Variants in LRFN5 observed in about 807,000 individuals in gnomAD.
LRFN5 encodes leucine-rich repeat and fibronectin type-III domain-containing protein 5.
LRFN5 carries 24 observed loss-of-function variants against 45.6 expected under a neutral mutation model. The ratio of observed to expected loss-of-function variants is 0.53; its 90% CI spans 0.38 to 0.74. LRFN5 has a LOEUF of 0.74. Ranked by LOEUF, LRFN5 falls within the 30% of genes least tolerant of loss-of-function variation. The probability of loss-of-function intolerance (pLI) is 0.00; values close to 1 mark genes in which losing one functional copy is unlikely to be tolerated. For missense variants in LRFN5, 776 were observed against 861.5 expected, an observed-to-expected ratio of 0.90 and a Z score of 1.24; for synonymous variants, 340 against 313.8, an observed-to-expected ratio of 1.08 and a Z score of -0.88.
chr14:41,904,094 C>T, intron 5 of LRFN5, 64 bp from the exon 6 acceptor site: 1 of 1,312,132 alleles, frequency 7.6e-7, no homozygotes. Context: ...ATCTTATTAG[C>T]TATGTGTTTT....
intron 1 of LRFN5, among the ~76,000 whole-genome samples, chr14:41,655,009 T>G (rs1403794952): frequency 1.3e-5 from 2 of 152,104 alleles, no homozygotes; most frequent in African/African-American, 2.4e-5. Flanking sequence ...CCACTGCCTG[T>G]GTCTCTTCAT....
intron 1 of LRFN5, among the ~76,000 whole-genome samples, chr14:41,619,680 C>T (rs1044922092): frequency 6.6e-6 from 1 of 151,854 alleles, no homozygotes; most frequent in South Asian, 2.1e-4. Context: ...TCATATGCTG[C>T]ATATGGCAAT....
intron 2 of LRFN5, among the ~76,000 whole-genome samples, chr14:41,867,568 C>T (rs753246369): frequency 2.0e-5 from 3 of 152,038 alleles, no homozygotes. Flanking sequence ...GGATGGGTGG[C>T]ATGTATTAAA....
chr14:41,792,584 T>C (rs914463632), intron 2 of LRFN5, among the ~76,000 whole-genome samples: 1 of 151,972 alleles, frequency 6.6e-6, no homozygotes, highest in African/African-American at 2.4e-5. Context: ...GAAAACAATT[T>C]AGCAATATCT....
At chr14:41,770,770 C>T (rs1188472831) in intron 2 of LRFN5, among the ~76,000 whole-genome samples, 2 of 152,094 alleles carry the variant, frequency 1.3e-5, no homozygotes, top group Non-Finnish European at 1.5e-5. Context: ...AGTGAATCTA[C>T]CACTCTGGGT....
chr14:41,633,420 G>A (rs548247787), intron 1 of LRFN5, among the ~76,000 whole-genome samples: 1 of 152,064 alleles, frequency 6.6e-6, no homozygotes, highest in South Asian at 2.1e-4. Context: ...TTAATTTCTT[G>A]TCACTTACTT....
intron 1 of LRFN5, among the ~76,000 whole-genome samples, chr14:41,668,246 A>G (rs1206326759): frequency 6.6e-6 from 1 of 152,130 alleles, no homozygotes; most frequent in Non-Finnish European, 1.5e-5. Context: ...AACTCTTCAC[A>G]TTTATTATGT....
chr14:41,796,794 G>A (rs976515817), intron 2 of LRFN5, among the ~76,000 whole-genome samples: 2 of 151,780 alleles, frequency 1.3e-5, no homozygotes, highest in Admixed American at 6.6e-5. Context: ...CTTGCTTTGG[G>A]TATGTTTACT....
At chr14:41,713,204 C>G (rs1883354265) in intron 1 of LRFN5, among the ~76,000 whole-genome samples, 1 of 152,064 alleles carries the variant, frequency 6.6e-6, no homozygotes, top group Admixed American at 6.6e-5. Context: ...AATCCAAAAT[C>G]AATTCCAGCT....
At chr14:41,757,008 T>G (rs547118433) in intron 1 of LRFN5, among the ~76,000 whole-genome samples, 1 of 152,308 alleles carries the variant, frequency 6.6e-6, no homozygotes, top group South Asian at 2.1e-4. Context: ...CTGTTGGAGT[T>G]TGCTGGAGGT....
chr14:41,882,893 G>T (rs1376356346), intron 2 of LRFN5, among the ~76,000 whole-genome samples: 11 of 128,558 alleles, frequency 8.6e-5, no homozygotes, highest in African/African-American at 2.8e-4. Context: ...CTGTCACCCA[G>T]GCTGGAGTGT....
intron 2 of LRFN5, among the ~76,000 whole-genome samples, chr14:41,799,177 GT>G (rs1435442688): frequency 2.0e-5 from 3 of 151,960 alleles, no homozygotes; most frequent in Non-Finnish European, 4.4e-5. Context: ...TAAATTGCTG[GT>G]TGTTGCACTG....
At chr14:41,781,560 G>GAAAGAAGGAAAGAA (rs1886489307) in intron 2 of LRFN5, among the ~76,000 whole-genome samples, 1 of 13,742 alleles carries the variant, frequency 7.3e-5, no homozygotes, top group African/African-American at 4.5e-4. Context: ...AAAAGAAAGA[G>GAAAGAAGGAAAGAA]AAAGAAAGAA....
chr14:41,621,947 T>C (rs998954346), intron 1 of LRFN5, among the ~76,000 whole-genome samples: 2 of 151,988 alleles, frequency 1.3e-5, no homozygotes, highest in Non-Finnish European at 2.9e-5. Flanking sequence ...AGAGAGAAAG[T>C]GGGAGAAAGA....
chr14:41,627,497 C>T (rs1465137327), intron 1 of LRFN5, among the ~76,000 whole-genome samples: 1 of 152,004 alleles, frequency 6.6e-6, no homozygotes, highest in Non-Finnish European at 1.5e-5. Flanking sequence ...TTTGATTTTG[C>T]CAGATTCTCA....
rs373301165 is a variant in LRFN5 at position 41,833,699 on chromosome 14, G to A, written c.-20-52907G>A. On this transcript the variant is annotated intron_variant, in intron 2 of 5. Coordinates refer to ENST00000298119, the MANE Select transcript of LRFN5 (RefSeq NM_152447.5). ...GTGTGTATTCAGTATTGGCTTTTGG[G>A]CAACATCCAATTTATTATTTACTTT... Among the ~76,000 whole-genome samples, 3 of 152,216 alleles carry A rather than the reference G, an allele frequency of 2.0e-5. No individual in the cohort carries two copies. In the East Asian group the frequency reaches 5.8e-4, roughly 29 times the overall value.
chr14:41,708,718 CT>C (rs35500388), intron 1 of LRFN5, among the ~76,000 whole-genome samples: 33 of 147,912 alleles, frequency 2.2e-4, no homozygotes, highest in Admixed American at 2.7e-4. Flanking sequence ...TGCTGAATTC[CT>C]TTTTTTTTTT....
chr14:41,695,261 C>G (rs554304252), intron 1 of LRFN5, among the ~76,000 whole-genome samples: 1 of 151,856 alleles, frequency 6.6e-6, no homozygotes, highest in African/African-American at 2.4e-5. Flanking sequence ...GAGATTTGTT[C>G]ATGAGACTTA....
rs61992376 is a variant in LRFN5, at chr14:41,738,145, G to A, written c.-196-28709G>A. Among the ~76,000 whole-genome samples, 3 of 152,162 alleles carry A rather than the reference G, an allele frequency of 2.0e-5. No individual in the cohort carries two copies. In the East Asian group the frequency reaches 5.8e-4, roughly 29 times the overall value. On this transcript the variant is annotated intron_variant, in intron 1 of 5. Transcript: ENST00000298119. ...ACAGCATGGTACTGGTAGCAAAACA[G>A]ATATATGGACCAATGGAACAAAACA...
Sources: gnomAD v4.1 joint callset for allele counts (sites outside exome capture counted in the v4.1 genomes callset) on GRCh38, gnomAD v4.1.1 for gene constraint, MANE v1.5 for transcripts, NCBI Gene and HGNC (gene_info 2026-07-23, HGNC 2026-07-21) for gene names.